Variants in PITPNM3 observed in about 807,000 individuals in gnomAD.
PITPNM3 encodes PITPNM family member 3.
Under a neutral mutation model 102.0 loss-of-function variants are expected in PITPNM3, and 26 were observed. The ratio of observed to expected loss-of-function variants is 0.25; its 90% CI spans 0.19 to 0.35. The LOEUF is 0.35. PITPNM3 is among the 10% of genes least tolerant of loss of function. The probability of loss-of-function intolerance (pLI) is 1.00; values close to 1 mark genes in which losing one functional copy is unlikely to be tolerated. For synonymous variants in PITPNM3, 578 were observed against 558.6 expected, an observed-to-expected ratio of 1.03 and a Z score of -0.49; for missense variants, 1,083 against 1,346.1, an observed-to-expected ratio of 0.80 and a Z score of 3.06.
intron 18 of PITPNM3, among the ~76,000 whole-genome samples, chr17:6,460,138 GC>G (rs2150714561): frequency 6.6e-6 from 1 of 152,080 alleles, no homozygotes; most frequent in Non-Finnish European, 1.5e-5. Context: ...CCAAGTTTGG[GC>G]CCCTGATGAC....
intron 11 of PITPNM3, 109 bp from the exon 12 acceptor site, chr17:6,471,464 C>T: frequency 3.7e-6 from 4 of 1,089,240 alleles, no homozygotes; most frequent in Non-Finnish European, 5.1e-6. Flanking sequence ...AGGAGTCAGC[C>T]CCGGCTCTGC....
In PITPNM3 at chr17:6,453,086, C is replaced by CTTTCTCCCTCTCTCTCTCTGCCTTCCTCT. The variant is rs1913932321; in HGVS notation, c.*2251_*2252insAGAGGAAGGCAGAGAGAGAGAGGGAGAAA. ...TTCCTCTCTCTGTCTTCCTTTCTTT[C>CTTTCTCCCTCTCTCTCTCTGCCTTCCTCT]CTCTGTCTTCCTTTCTTTCTCTCTC... On this transcript the variant is annotated 3_prime_UTR_variant, in exon 20 of 20. Transcript: ENST00000262483. 1 of 148,772 alleles carries CTTTCTCCCTCTCTCTCTCTGCCTTCCTCT rather than the reference C, an allele frequency of 6.7e-6. No homozygotes were observed. Among genetic ancestry groups the CTTTCTCCCTCTCTCTCTCTGCCTTCCTCT allele is most frequent in the African/African-American group, 2.5e-5 (1 of 40,326 alleles). The allele number at this position is 148,772 out of a possible 1,614,324, so 9.2% of individuals were successfully genotyped here. A position where few individuals can be genotyped will look rare whatever the true frequency, so the allele number is the denominator to read the frequency against.
At chr17:6,490,190 C>T (rs1478856153) in intron 4 of PITPNM3, among the ~76,000 whole-genome samples, 1 of 152,042 alleles carries the variant, frequency 6.6e-6, no homozygotes, top group Non-Finnish European at 1.5e-5. Flanking sequence ...ATCCACAGCC[C>T]CCATTCCCCA....
In PITPNM3 at chr17:6,537,242, T is replaced by C. The variant is rs1909487059; in HGVS notation, c.118+745A>G. 6.6e-6 allele frequency among the ~76,000 whole-genome samples: 1 copy of C among 150,802 alleles called. No individual in the cohort carries two copies. Among genetic ancestry groups the C allele is most frequent in the Non-Finnish European group, 1.5e-5 (1 of 67,894 alleles). Reference sequence around the variant, plus strand: ...GCACTCCCTGCATCTATGAGGCTCATTTATTTTTTCTTTCTTTTTTTTTTT... The same window carrying C: ...GCACTCCCTGCATCTATGAGGCTCACTTATTTTTTCTTTCTTTTTTTTTTT... On this transcript the variant is annotated intron_variant, in intron 2 of 19. Transcript: ENST00000262483. The surrounding 1 kb of genome is among the most constrained non-coding windows in gnomAD (Gnocchi z 4.4).
At chr17:6,482,526 G>A (rs750174285) in intron 6 of PITPNM3, among the ~76,000 whole-genome samples, 2 of 152,146 alleles carry the variant, frequency 1.3e-5, no homozygotes, top group Non-Finnish European at 2.9e-5. Flanking sequence ...AGCCGATCTA[G>A]CAATTAATTG....
chr17:6,489,799 T>A (rs1906336864), intron 4 of PITPNM3, among the ~76,000 whole-genome samples: 1 of 151,772 alleles, frequency 6.6e-6, no homozygotes. Context: ...AGGTCAGGAG[T>A]TCGAGACCAG....
At chr17:6,488,714 C>G (rs1160751840) in intron 4 of PITPNM3, among the ~76,000 whole-genome samples, 3 of 152,172 alleles carry the variant, frequency 2.0e-5, no homozygotes, top group Non-Finnish European at 4.4e-5. Context: ...ATAATTCCAC[C>G]CCTAGAGGCT....
rs1908355022 is a variant in PITPNM3 at position 6,519,182 on chromosome 17, A to AAAAAAAAAAAAAAAAAAC, written c.226+6173_226+6174insGTTTTTTTTTTTTTTTTT. 2.7e-5 allele frequency among the ~76,000 whole-genome samples: 2 copies of AAAAAAAAAAAAAAAAAAC among 74,060 alleles called. 1 individual carries two copies. The highest frequency in any genetic ancestry group is 5.9e-5 in the Non-Finnish European group (2 of 34,058). 48.6% of individuals were successfully genotyped at this position (74,060 alleles called of 152,430 possible). Reference sequence around the variant, plus strand: ...GAAACCCCGTCTCTACTAAAAATACAAAAAATTAGCCGGGCGCGGTGGCGG... The same window carrying AAAAAAAAAAAAAAAAAAC: ...GAAACCCCGTCTCTACTAAAAATACAAAAAAAAAAAAAAAAAACAAAAATTAGCCGGGCGCGGTGGCGG... On this transcript the variant is annotated intron_variant, in intron 3 of 19. Transcript: ENST00000262483.
At chr17:6,475,442 TAA>T (rs752385097) in intron 9 of PITPNM3, among the ~76,000 whole-genome samples, 147 of 152,316 alleles carry the variant, frequency 9.7e-4, no homozygotes, top group Non-Finnish European at 1.9e-3. Context: ...GCAAAGCAAC[TAA>T]ACTACTTGAG....
chr17:6,485,277 G>A (rs1211959712), intron 4 of PITPNM3, among the ~76,000 whole-genome samples: 2 of 151,112 alleles, frequency 1.3e-5, no homozygotes, highest in Non-Finnish European at 2.9e-5. Context: ...TCCTGCCTCA[G>A]CCTCCCGAGT....
intron 4 of PITPNM3, among the ~76,000 whole-genome samples, chr17:6,488,549 A>T (rs1040717885): frequency 6.6e-6 from 1 of 152,180 alleles, no homozygotes; most frequent in African/African-American, 2.4e-5. Context: ...CCCAGGATGC[A>T]CACATCCTGT....
At chr17:6,541,860 A>G (rs1310240279) in intron 1 of PITPNM3, among the ~76,000 whole-genome samples, 1 of 152,228 alleles carries the variant, frequency 6.6e-6, no homozygotes, top group Non-Finnish European at 1.5e-5. Context: ...AAGTAAATGA[A>G]TAAAAATGAT....
At chr17:6,485,845 C>A (rs1427569034) in intron 4 of PITPNM3, among the ~76,000 whole-genome samples, 4 of 152,228 alleles carry the variant, frequency 2.6e-5, no homozygotes, top group Admixed American at 1.3e-4. Flanking sequence ...GCCCCACTGC[C>A]TGTTTTTGTA....
At chr17:6,523,998 G>C (rs1409306658) in intron 3 of PITPNM3, among the ~76,000 whole-genome samples, 1 of 152,220 alleles carries the variant, frequency 6.6e-6, no homozygotes, top group East Asian at 1.9e-4. Flanking sequence ...GGGACTTTGG[G>C]CAAGACGTGG....
chr17:6,470,209 G>T lies in PITPNM3; in HGVS notation c.1773+51C>A. On this transcript the variant is annotated intron_variant, in intron 13 of 19. Coordinates refer to ENST00000262483, the MANE Select transcript of PITPNM3 (RefSeq NM_031220.4). The surrounding 1 kb of genome is among the most constrained non-coding windows in gnomAD (Gnocchi z 4.8). ...CCTCCTCTCCAGCTGGAGAAGGGGC[G>T]GTACCCCCTTGGGGTGGCTGTGGGC... 1 of 1,538,990 alleles carries T rather than the reference G, an allele frequency of 6.5e-7. No individual in the cohort carries two copies. The highest frequency in any genetic ancestry group is 8.8e-7 in the Non-Finnish European group (1 of 1,134,490).
chr17:6,476,908 C>T lies in PITPNM3; in HGVS notation c.1085+121G>A, dbSNP rs540619893. ...AGGGCCGATGGCGAGTGGCCTTGGT[C>T]CCAGCATTTCAGTGCTTATCTATGG... On this transcript the variant is annotated intron_variant, in intron 9 of 19. Transcript: ENST00000262483. 4.6e-6 allele frequency: 6 copies of T among 1,291,880 alleles called. No homozygotes were observed. In the South Asian group the frequency reaches 7.7e-5, roughly 17 times the overall value. 80.0% of individuals were successfully genotyped at this position (1,291,880 alleles called of 1,614,324 possible). A position where few individuals can be genotyped will look rare whatever the true frequency, so the allele number is the denominator to read the frequency against.
At chr17:6,539,369 C>T (rs1425055911) in intron 1 of PITPNM3, among the ~76,000 whole-genome samples, 2 of 151,590 alleles carry the variant, frequency 1.3e-5, no homozygotes, top group African/African-American at 2.4e-5. Flanking sequence ...TGCAATAAGA[C>T]AAGAAAAAAG....
rs1420966732 is a variant in PITPNM3, at chr17:6,454,015, C to T, written c.*1323G>A. On this transcript the variant is annotated 3_prime_UTR_variant, in exon 20 of 20. Coordinates refer to ENST00000262483, the MANE Select transcript of PITPNM3 (RefSeq NM_031220.4). The stretch of plus-strand genomic sequence containing the variant: ...CCCCAGAAGGGCCAAGTCCTGCCAA[C>T]CTCAGGGGACTACCCAGGAGGAGGT... 1.3e-5 allele frequency: 2 copies of T among 152,476 alleles called. No individual in the cohort carries two copies. Among genetic ancestry groups the T allele is most frequent in the African/African-American group, 4.8e-5 (2 of 41,470 alleles). The allele number at this position is 152,476 out of a possible 1,614,324, so 9.4% of individuals were successfully genotyped here.
intron 3 of PITPNM3, among the ~76,000 whole-genome samples, chr17:6,504,493 T>A (rs1004673215): frequency 6.6e-6 from 1 of 152,188 alleles, no homozygotes; most frequent in African/African-American, 2.4e-5. Context: ...GTCCCCTGAA[T>A]CCTGGGGTCA....
Sources: gnomAD v4.1 joint callset for allele counts (sites outside exome capture counted in the v4.1 genomes callset) on GRCh38, gnomAD v4.1.1 for gene constraint, Gnocchi (gnomAD v3.1) non-coding constraint, MANE v1.5 for transcripts, NCBI Gene and HGNC (gene_info 2026-07-23, HGNC 2026-07-21) for gene names.